The following PLA2G4E variants were observed in gnomAD, a reference collection of about 807,000 sequenced individuals.
The protein encoded by PLA2G4E is phospholipase A2 group IVE.
PLA2G4E carries 84 observed loss-of-function variants against 109.1 expected under a neutral mutation model. That is an observed-to-expected ratio of 0.77 (90% CI 0.65 to 0.92). PLA2G4E has a LOEUF of 0.92. Among genes scored for constraint, PLA2G4E ranks in the 40% least tolerant of loss-of-function variants. The probability of loss-of-function intolerance (pLI) is 0.00; values close to 1 mark genes in which losing one functional copy is unlikely to be tolerated. For synonymous variants in PLA2G4E, 469 were observed against 436.1 expected (o/e 1.08, Z -0.94); for missense variants, 1,057 against 1,076.6 (o/e 0.98, Z 0.25).
Position 41,987,448 on chromosome 15 carries a change from A to C in PLA2G4E, c.1832-73T>G. The C allele has an allele frequency of 3.5e-6, 5 of 1,447,612 alleles. No homozygotes were observed. The East Asian group carries it at 1.2e-4, about 34-fold the overall frequency. 89.7% of individuals were successfully genotyped at this position (1,447,612 alleles called of 1,614,324 possible). On this transcript the variant is annotated intron_variant, in intron 16 of 19. Coordinates refer to ENST00000399518, the Ensembl canonical transcript of PLA2G4E. The stretch of plus-strand genomic sequence containing the variant: ...CCAGATTGCCTATGCGAAGCCCCAC[A>C]TGGTTGCCTGGCACCCAGGGGTGAG...
chr15:42,005,146 A>G (rs1420220220), intron 4 of PLA2G4E, among the ~76,000 whole-genome samples, 168 bp from the exon 5 acceptor site: 1 of 152,118 alleles, frequency 6.6e-6, no homozygotes, highest in African/African-American at 2.4e-5. Context: ...CTCTGTCCCC[A>G]AGTCTTTGAC....
chr15:42,027,863 T>TCCTGGGCCACCCTCCATAATGTATGGGG (rs142075537), intron 1 of PLA2G4E, among the ~76,000 whole-genome samples: 57,048 of 151,646 alleles, frequency 0.38, 10,999 homozygotes, highest in Admixed American at 0.44. Flanking sequence ...GTGGCAGCCC[T>TCCTGGGCCACCCTCCATAATGTATGGGG]CCTGGGCCAC....
intron 1 of PLA2G4E, among the ~76,000 whole-genome samples, chr15:42,022,092 G>A (rs1045075354): frequency 3.4e-5 from 5 of 146,122 alleles, no homozygotes; most frequent in African/African-American, 1.1e-4. Flanking sequence ...ATTCAATTTA[G>A]TTCATGTACC....
At chr15:41,999,698 GAC>G in intron 9 of PLA2G4E, 137 bp from the exon 10 acceptor site, 1 of 1,198,956 alleles carries the variant, frequency 8.3e-7, no homozygotes, top group South Asian at 1.4e-5. Flanking sequence ...CTCTCTTCTG[GAC>G]ACAATCTCCC....
Position 41,986,020 on chromosome 15 carries a change from T to C in PLA2G4E, c.2036-15A>G. ...TAGCACTGTGTCTGAAAGCCAAGCC[T>C]TCCCGTTACCAACACACCTGGTGCC... On this transcript the variant is annotated splice_polypyrimidine_tract_variant and intron_variant, in intron 17 of 19. Coordinates refer to ENST00000399518, the Ensembl canonical transcript of PLA2G4E. 1 of 1,579,254 alleles carries C rather than the reference T, an allele frequency of 6.3e-7. No individual in the cohort carries two copies. The highest frequency in any genetic ancestry group is 8.6e-7 in the Non-Finnish European group (1 of 1,161,196).
chr15:41,990,344 G>GTTCAC, intron 13 of PLA2G4E, 109 bp from the exon 14 acceptor site: 1 of 937,968 alleles, frequency 1.1e-6, no homozygotes, highest in Non-Finnish European at 1.7e-6. Flanking sequence ...TGGCTCCTGA[G>GTTCAC]CTCACCGGGC....
At chr15:42,001,370 T>C in intron 6 of PLA2G4E, 150 bp from the exon 7 acceptor site, 1 of 723,314 alleles carries the variant, frequency 1.4e-6, no homozygotes, top group South Asian at 1.8e-5. Flanking sequence ...TTGACCACAT[T>C]TTCTGAACCC....
At position 41,997,261 on chromosome 15, in the gene PLA2G4E, T is replaced by A; in HGVS notation, c.975-2A>T. 1.3e-6 allele frequency: 2 copies of A among 1,542,578 alleles called. No homozygotes were observed. The highest frequency in any genetic ancestry group is 8.8e-7 in the Non-Finnish European group (1 of 1,141,660). ...AGCCGCACGTCCAGTGTCTCAGGGC[T>A]GGAGGGAGAGAGGACCCTGTATTGG... On this transcript the variant is annotated splice_acceptor_variant, in intron 10 of 19. Coordinates refer to ENST00000399518, the Ensembl canonical transcript of PLA2G4E. LOFTEE classifies it high-confidence loss of function.
intron 12 of PLA2G4E, among the ~76,000 whole-genome samples, chr15:41,993,927 G>A (rs191872615): frequency 9.2e-5 from 14 of 152,244 alleles, no homozygotes; most frequent in Admixed American, 9.1e-4. Context: ...CCAGGCCAGG[G>A]GACCCCACCC....
At chr15:42,034,253 G>A (rs1388177897) in intron 1 of PLA2G4E, among the ~76,000 whole-genome samples, 1 of 152,234 alleles carries the variant, frequency 6.6e-6, no homozygotes, top group Non-Finnish European at 1.5e-5. Flanking sequence ...ATTTTTGGAA[G>A]TAGAGACATA....
intron 1 of PLA2G4E, among the ~76,000 whole-genome samples, chr15:42,037,234 G>T (rs1219835892): frequency 6.6e-6 from 1 of 152,206 alleles, no homozygotes; most frequent in Admixed American, 6.5e-5. Flanking sequence ...CCACCTTCAG[G>T]CCAGGCTGCC....
At chr15:41,996,190 A>C (rs1595561897) in intron 11 of PLA2G4E, among the ~76,000 whole-genome samples, 1 of 152,076 alleles carries the variant, frequency 6.6e-6, no homozygotes, top group South Asian at 2.1e-4. Context: ...CTACAAAAAA[A>C]TACAAAAATT....
intron 2 of PLA2G4E, among the ~76,000 whole-genome samples, chr15:42,011,231 G>T (rs770416959): frequency 6.6e-6 from 1 of 152,276 alleles, no homozygotes; most frequent in African/African-American, 2.4e-5. Context: ...AAGGGAGGAG[G>T]CTTGTAGAGC....
intron 15 of PLA2G4E, among the ~76,000 whole-genome samples, 157 bp downstream of exon 15, chr15:41,989,258 C>T (rs1016028241): frequency 6.6e-6 from 1 of 152,150 alleles, no homozygotes; most frequent in East Asian, 1.9e-4. Flanking sequence ...ATTGGGAGAG[C>T]CCCCAGACCA....
exon 16 of PLA2G4E, chr15:41,988,072 G>A (rs780604750): frequency 6.2e-7 from 1 of 1,606,484 alleles, no homozygotes; most frequent in South Asian, 1.1e-5. Flanking sequence ...TTTCTCCCTT[G>A]TCCACCTGTG....
chr15:42,006,856 A>C (rs900394036), intron 3 of PLA2G4E, among the ~76,000 whole-genome samples: 1 of 152,098 alleles, frequency 6.6e-6, no homozygotes, highest in African/African-American at 2.4e-5. Flanking sequence ...TTGACCTTGT[A>C]ATTACTAGAA....
chr15:42,015,286 A>G (rs2141059005), intron 1 of PLA2G4E, among the ~76,000 whole-genome samples: 1 of 152,120 alleles, frequency 6.6e-6, no homozygotes, highest in Middle Eastern at 3.4e-3. Context: ...GCTTCTCTGG[A>G]CCCTACAGCA....
intron 7 of PLA2G4E, 128 bp from the exon 8 acceptor site, chr15:42,000,410 T>G: frequency 5.8e-6 from 5 of 862,194 alleles, no homozygotes; most frequent in Non-Finnish European, 7.1e-6. Flanking sequence ...CCAGTTCAAA[T>G]TCCCCAGAGA....
chr15:41,997,414 G>T (rs1293119425), intron 10 of PLA2G4E, 155 bp from the exon 11 acceptor site: 2 of 792,042 alleles, frequency 2.5e-6, no homozygotes, highest in Non-Finnish European at 3.7e-6. Context: ...GTAAAGTGGG[G>T]CGAATCGTGC....
Sources: allele counts gnomAD v4.1 joint callset (sites outside exome capture counted in the v4.1 genomes callset), GRCh38; gene constraint gnomAD v4.1.1; transcripts MANE v1.5; gene names NCBI Gene and HGNC (gene_info 2026-07-23, HGNC 2026-07-21).